The following GDPD5 variants were observed in gnomAD, a reference collection of about 807,000 sequenced individuals.
The protein encoded by GDPD5 is glycerophosphodiester phosphodiesterase domain containing 5.
Under a neutral mutation model 75.1 loss-of-function variants are expected in GDPD5, and 48 were observed. The ratio of observed to expected loss-of-function variants is 0.64; its 90% CI spans 0.51 to 0.81. GDPD5 has a LOEUF of 0.81. Ranked by LOEUF, GDPD5 falls within the 40% of genes least tolerant of loss-of-function variation. GDPD5 has a pLI of 0.00. For synonymous variants in GDPD5, 336 were observed against 339.0 expected (o/e 0.99, Z 0.10); for missense variants, 706 against 822.6 (o/e 0.86, Z 1.73).
chr11:75,509,483 G>A (rs573932403), intron 1 of GDPD5, among the ~76,000 whole-genome samples: 4 of 152,310 alleles, frequency 2.6e-5, no homozygotes, highest in African/African-American at 9.6e-5. Flanking sequence ...GAGGTGAGTG[G>A]CCCAGAGGCT....
intron 14 of GDPD5, 42 bp from the exon 15 acceptor site, chr11:75,440,003 G>A (rs1565179118): frequency 6.7e-7 from 1 of 1,492,244 alleles, no homozygotes; most frequent in Admixed American, 1.7e-5. Flanking sequence ...GTCATGGCCA[G>A]TCCAGACTGA....
At chr11:75,441,606 T>C in intron 13 of GDPD5, 40 bp downstream of exon 13, 1 of 1,514,020 alleles carries the variant, frequency 6.6e-7, no homozygotes, top group Non-Finnish European at 8.8e-7. Flanking sequence ...AGAGACTCAG[T>C]CCCACCCTCT....
chr11:75,449,529 C>T lies in GDPD5; in HGVS notation c.556G>A (p.Ala186Thr), dbSNP rs771266669. Residue 186 changes from alanine to threonine, a missense_variant, in exon 8 of 17, where the codon GCA becomes ACA. Transcript: ENST00000336898. ...CAGTTCTACTCACAGGTCCGCTCTG[C>T]GCGGGCGAACTGTCCTGCCACGATC... The part of the protein sequence containing the change: ...SWIVAGQFAR[A>T]ERTSSQVTIL... 60 of 1,575,492 alleles carry T rather than the reference C, an allele frequency of 3.8e-5. No individual in the cohort carries two copies. The highest frequency in any genetic ancestry group is 1.7e-4 in the Middle Eastern group (1 of 6,038).
At chr11:75,442,822 A>G in intron 11 of GDPD5, 1 of 603,234 alleles carries the variant, frequency 1.7e-6, no homozygotes, top group Non-Finnish European at 2.9e-6. Flanking sequence ...GACCCACAGC[A>G]TTTCTCCTTC....
chr11:75,507,812 G>A (rs1565219091), intron 1 of GDPD5, among the ~76,000 whole-genome samples: 1 of 152,114 alleles, frequency 6.6e-6, no homozygotes, highest in Non-Finnish European at 1.5e-5. Context: ...GTCCCATTAA[G>A]GAAAGCAAAT....
chr11:75,441,597 G>A lies in GDPD5; in HGVS notation c.1325+49C>T. ...GGGGGTGGTGGTGGCAGGACTGGGA[G>A]AGACTCAGTCCCACCCTCTCCTGGA... is the stretch of plus-strand genomic sequence containing the variant. On this transcript the variant is annotated intron_variant, in intron 13 of 16. Transcript: ENST00000336898. The A allele has an allele frequency of 4.0e-6, 6 of 1,491,648 alleles. No individual in the cohort carries two copies. The South Asian group carries it at 6.3e-5, about 16-fold the overall frequency. 92.4% of individuals were successfully genotyped at this position (1,491,648 alleles called of 1,614,324 possible).
rs964629490 is a variant in GDPD5 at position 75,476,300 on chromosome 11, T to A, written c.117+1319A>T. On this transcript the variant is annotated intron_variant, in intron 3 of 16. Transcript: ENST00000336898. ...AAGGACCTGTCTCAATGGCTAGTCATAGCTGGCACTGTGCCAGTCACGTTA... is the reference window on the plus strand; with the variant it reads ...AAGGACCTGTCTCAATGGCTAGTCAAAGCTGGCACTGTGCCAGTCACGTTA... Among the ~76,000 whole-genome samples, 7 of 152,070 alleles carry A rather than the reference T, an allele frequency of 4.6e-5. 1 individual carries two copies. Among genetic ancestry groups the A allele is most frequent in the African/African-American group, 1.4e-4 (6 of 41,484 alleles).
At chr11:75,517,870 G>A (rs1950676608) in intron 1 of GDPD5, among the ~76,000 whole-genome samples, 1 of 152,166 alleles carries the variant, frequency 6.6e-6, no homozygotes, top group Non-Finnish European at 1.5e-5. Context: ...CCAAGCAGGT[G>A]GTGCAGTTGG....
chr11:75,444,609 C>T, intron 9 of GDPD5, 114 bp from the exon 10 acceptor site: 1 of 767,602 alleles, frequency 1.3e-6, no homozygotes, highest in Non-Finnish European at 2.3e-6. Flanking sequence ...CTAATTCTGG[C>T]CCCTCCACAG....
Position 75,435,651 on chromosome 11 carries a change from G to C in GDPD5, c.1674C>G (p.Ile558Met). ...IMKEKLIFSE[I>M]SDGVEVSDVL... ...CATCGGAGACCTCTACACCATCGCT[G>C]ATCTCTGCTGGGCCAGAGGGAGACA... Residue 558 changes from isoleucine to methionine, a missense_variant, in exon 17 of 17, where the codon ATC becomes ATG. Physicochemically the swap from Ile to Met is conservative, Grantham distance 10 (BLOSUM62 1). Transcript: ENST00000336898. The C allele has an allele frequency of 6.2e-7, 1 of 1,607,186 alleles. No homozygotes were observed. The highest frequency in any genetic ancestry group is 1.7e-5 in the Admixed American group (1 of 59,432).
chr11:75,478,770 G>T (rs956172909), intron 2 of GDPD5, among the ~76,000 whole-genome samples: 1 of 152,152 alleles, frequency 6.6e-6, no homozygotes, highest in Non-Finnish European at 1.5e-5. Flanking sequence ...ACCAGGCACC[G>T]TGTAAATACT....
At chr11:75,519,511 G>A (rs1294417980) in intron 1 of GDPD5, among the ~76,000 whole-genome samples, 2 of 152,200 alleles carry the variant, frequency 1.3e-5, no homozygotes, top group East Asian at 3.8e-4. Flanking sequence ...TCCTCTGTGA[G>A]GTGCTGGAGA....
intron 9 of GDPD5, 95 bp downstream of exon 9, chr11:75,448,882 T>C: frequency 8.0e-6 from 11 of 1,383,236 alleles, no homozygotes; most frequent in Non-Finnish European, 1.0e-5. Flanking sequence ...AAGCTACAAA[T>C]GGTTGCTACC....
At chr11:75,521,800 C>A (rs1002408621) in intron 1 of GDPD5, among the ~76,000 whole-genome samples, 6 of 115,104 alleles carry the variant, frequency 5.2e-5, no homozygotes, top group Non-Finnish European at 9.0e-5. Flanking sequence ...ATGGGAGGAA[C>A]CACAAACAAA....
At chr11:75,458,145 C>G (rs1949332338) in intron 4 of GDPD5, among the ~76,000 whole-genome samples, 1 of 152,218 alleles carries the variant, frequency 6.6e-6, no homozygotes, top group Admixed American at 6.5e-5. Flanking sequence ...GTCAGGAGCA[C>G]AGGCTTTGGA....
chr11:75,444,639 G>A, intron 9 of GDPD5, 144 bp from the exon 10 acceptor site: 1 of 632,944 alleles, frequency 1.6e-6, no homozygotes, highest in Non-Finnish European at 2.9e-6. Context: ...GTGACCCTGG[G>A]CACCCACTCA....
At chr11:75,454,889 TAA>T (rs915463120) in intron 6 of GDPD5, among the ~76,000 whole-genome samples, 3 of 152,218 alleles carry the variant, frequency 2.0e-5, no homozygotes, top group African/African-American at 7.2e-5. Context: ...CAAAAAAGAA[TAA>T]AGAGTCCTTA....
chr11:75,446,277 G>T (rs1220085820), intron 9 of GDPD5, among the ~76,000 whole-genome samples: 3 of 152,208 alleles, frequency 2.0e-5, no homozygotes. Flanking sequence ...TTCTCTCTGG[G>T]TTAGGTGCTG....
chr11:75,486,760 G>C (rs1006110503), intron 2 of GDPD5, among the ~76,000 whole-genome samples: 1 of 152,134 alleles, frequency 6.6e-6, no homozygotes, highest in African/African-American at 2.4e-5. Context: ...ATCTCTTCTG[G>C]ATCCCACAAA....
Sources: allele counts gnomAD v4.1 joint callset (sites outside exome capture counted in the v4.1 genomes callset), GRCh38; gene constraint gnomAD v4.1.1; transcripts MANE v1.5; gene names NCBI Gene and HGNC (gene_info 2026-07-23, HGNC 2026-07-21).